The following ERG variants were observed in gnomAD, a reference collection of about 807,000 sequenced individuals.
The protein encoded by ERG is transcriptional regulator ERG.
Under a neutral mutation model 55.3 loss-of-function variants are expected in ERG, and 9 were observed. The ratio of observed to expected loss-of-function variants is 0.16; its 90% CI spans 0.10 to 0.28. The LOEUF is 0.28. ERG is among the 10% of genes least tolerant of loss of function. ERG has a pLI of 1.00. For missense variants in ERG, 434 were observed against 631.6 expected, an observed-to-expected ratio of 0.69 and a Z score of 3.35; for synonymous variants, 223 against 237.3, an observed-to-expected ratio of 0.94 and a Z score of 0.55.
intron 1 of ERG, chr21:38,451,322 T>G: frequency 2.4e-6 from 1 of 425,234 alleles, no homozygotes; most frequent in South Asian, 1.7e-5. Context: ...TGCATACAGT[T>G]AATCATTTCT....
Position 38,402,728 on chromosome 21 carries a change from A to AAAAG in ERG, c.593-95_593-92dup. ...CCTTTCTTACAAAAAAAAAAAAAAAAAAAGAAAGAAAAAGAAAGAAAGAAA... is the reference window on the plus strand; with the variant it reads ...CCTTTCTTACAAAAAAAAAAAAAAAAAAAGAAAGAAAGAAAAAGAAAGAAAGAAA... On this transcript the variant is annotated intron_variant, in intron 4 of 9. Coordinates refer to ENST00000288319, the MANE Select transcript of ERG (RefSeq NM_182918.4). The AAAAG allele has an allele frequency of 5.0e-6, 4 of 795,528 alleles. No individual in the cohort carries two copies. The South Asian group carries it at 5.8e-5, about 11-fold the overall frequency. 49.3% of individuals were successfully genotyped at this position (795,528 alleles called of 1,614,324 possible).
intron 1 of ERG, among the ~76,000 whole-genome samples, chr21:38,464,043 C>T (rs191205890): frequency 2.0e-5 from 3 of 151,446 alleles, no homozygotes; most frequent in Admixed American, 6.6e-5. Context: ...GTAAAAACTC[C>T]GAACACTAGG....
chr21:38,547,930 C>G (rs2059798472), intron 2 of ERG, among the ~76,000 whole-genome samples: 3 of 151,996 alleles, frequency 2.0e-5, no homozygotes, highest in African/African-American at 7.3e-5. Context: ...ATTACATAAT[C>G]CTGTACTTTT....
At chr21:38,389,785 A>T (rs1987885206) in intron 9 of ERG, among the ~76,000 whole-genome samples, 1 of 152,080 alleles carries the variant, frequency 6.6e-6, no homozygotes, top group Non-Finnish European at 1.5e-5. Context: ...GTATGCAACA[A>T]ATAATTATTG....
At chr21:38,418,862 G>T (rs1229810510) in intron 3 of ERG, among the ~76,000 whole-genome samples, 1 of 146,280 alleles carries the variant, frequency 6.8e-6, no homozygotes, top group Non-Finnish European at 1.5e-5. Context: ...GGGAGGCAGA[G>T]GTTGCAGTGA....
intron 1 of ERG, among the ~76,000 whole-genome samples, chr21:38,577,101 TAAAC>T (rs2059999192): frequency 6.6e-6 from 1 of 152,200 alleles, no homozygotes; most frequent in Non-Finnish European, 1.5e-5. Flanking sequence ...AAAATAAAAA[TAAAC>T]AATATGATTA....
chr21:38,627,693 C>T (rs1204567069), intron 1 of ERG, among the ~76,000 whole-genome samples: 1 of 152,114 alleles, frequency 6.6e-6, no homozygotes, highest in Non-Finnish European at 1.5e-5. Flanking sequence ...GGGAAATGAA[C>T]TCTTAGCGTT....
At position 38,495,696 on chromosome 21, in the gene ERG, GT is replaced by G. The variant is rs1369451873; in HGVS notation, c.18+2666del. 2.6e-5 allele frequency among the ~76,000 whole-genome samples: 4 copies of G among 152,284 alleles called. No individual in the cohort carries two copies. In the East Asian group the frequency reaches 7.7e-4, roughly 29 times the overall value. ...GAAAGTATTATTCTGAGAAAGGACTGTAGGCTTCACTAGACTTCCCAAATTG... is the reference window on the plus strand; with the variant it reads ...GAAAGTATTATTCTGAGAAAGGACTGAGGCTTCACTAGACTTCCCAAATTG... On this transcript the variant is annotated intron_variant, in intron 1 of 9. Transcript: ENST00000288319.
intron 2 of ERG, among the ~76,000 whole-genome samples, chr21:38,562,061 G>A (rs1362766792): frequency 6.6e-5 from 10 of 152,160 alleles, no homozygotes; most frequent in South Asian, 4.2e-4. Flanking sequence ...CAAAATCCAC[G>A]GAGACACATG....
chr21:38,490,427 G>A (rs1287872611), intron 1 of ERG, among the ~76,000 whole-genome samples: 2 of 152,184 alleles, frequency 1.3e-5, no homozygotes, highest in Non-Finnish European at 2.9e-5. Context: ...ATAACCCTGT[G>A]AAGTAGGAAC....
chr21:38,560,662 T>C (rs949672856), intron 2 of ERG, among the ~76,000 whole-genome samples: 2 of 151,978 alleles, frequency 1.3e-5, no homozygotes, highest in African/African-American at 2.4e-5. Flanking sequence ...AACACAATAC[T>C]CCTAAAACCA....
chr21:38,544,789 A>G (rs2146803781), intron 2 of ERG, among the ~76,000 whole-genome samples: 1 of 152,152 alleles, frequency 6.6e-6, no homozygotes, highest in Non-Finnish European at 1.5e-5. Flanking sequence ...TCTCTGCCTC[A>G]CCCTTGCTCT....
intron 1 of ERG, among the ~76,000 whole-genome samples, chr21:38,602,475 A>C (rs2060170614): frequency 6.6e-6 from 1 of 152,026 alleles, no homozygotes; most frequent in African/African-American, 2.4e-5. Context: ...ATAAATAAGT[A>C]AACCAAAACA....
upstream of ERG, among the ~76,000 whole-genome samples, chr21:38,499,862 AAGGG>A (rs1346436756): frequency 2.9e-5 from 4 of 139,954 alleles, no homozygotes; most frequent in Non-Finnish European, 4.7e-5. Context: ...AGGAAGGAGA[AAGGG>A]AGGGAGGGAG....
chr21:38,561,885 A>C (rs1224766110), intron 2 of ERG, among the ~76,000 whole-genome samples: 5 of 152,228 alleles, frequency 3.3e-5, no homozygotes, highest in Admixed American at 2.0e-4. Flanking sequence ...GCTTCAGTTA[A>C]ATTTGTTTAC....
intron 2 of ERG, among the ~76,000 whole-genome samples, chr21:38,563,628 G>A (rs555026053): frequency 6.6e-6 from 1 of 152,328 alleles, no homozygotes; most frequent in African/African-American, 2.4e-5. Context: ...ATACAACAAA[G>A]TCCCTGAATC....
intron 1 of ERG, chr21:38,474,176 A>G (rs1291695101): frequency 1.3e-5 from 2 of 152,198 alleles, no homozygotes; most frequent in African/African-American, 4.8e-5. Context: ...AAATGGTCAT[A>G]TCTGAGGACT....
chr21:38,421,806 C>T (rs1299857879), intron 3 of ERG, among the ~76,000 whole-genome samples: 1 of 152,174 alleles, frequency 6.6e-6, no homozygotes, highest in Non-Finnish European at 1.5e-5. Context: ...CTTTGTGGGG[C>T]TTATGTTCCA....
At chr21:38,539,417 A>C (rs2059735077) in intron 2 of ERG, among the ~76,000 whole-genome samples, 1 of 152,216 alleles carries the variant, frequency 6.6e-6, no homozygotes, top group Admixed American at 6.5e-5. Context: ...GACTCTTCAG[A>C]TATATCCTGG....
Sources: gnomAD v4.1 joint callset for allele counts (sites outside exome capture counted in the v4.1 genomes callset) on GRCh38, gnomAD v4.1.1 for gene constraint, MANE v1.5 for transcripts, NCBI Gene and HGNC (gene_info 2026-07-23, HGNC 2026-07-21) for gene names.